The following ZNF451 variants were observed in gnomAD, a reference collection of about 807,000 sequenced individuals.
The protein encoded by ZNF451 is zinc finger protein 451.
In ZNF451, 80 loss-of-function variants were observed where a neutral mutation model predicts 107.1. The ratio of observed to expected loss-of-function variants is 0.75; its 90% CI spans 0.62 to 0.90. ZNF451 has a LOEUF of 0.90. ZNF451 is among the 40% of genes least tolerant of loss of function. The pLI is 0.00. For missense variants in ZNF451, 1,107 were observed against 1,236.2 expected (o/e 0.90, Z 1.57); for synonymous variants, 362 against 406.5 (o/e 0.89, Z 1.32).
Position 57,147,926 on chromosome 6 carries a change from T to C in ZNF451, c.1841T>C (p.Met614Thr), listed in dbSNP as rs754222139. ...TGGCAATGCCGGATTTGTGAAGATA[T>C]GTTTGATTCCCAGGAATATGTAAAA... ...GKWQCRICEDMFDSQEYVKQH... is the reference protein window; with the variant it reads ...GKWQCRICEDTFDSQEYVKQH... Residue 614 changes from methionine to threonine, a missense_variant, in exon 10 of 15, where the codon ATG (methionine) becomes ACG (threonine). Transcript: ENST00000370706. The C allele has an allele frequency of 2.4e-5, 39 of 1,614,054 alleles. No individual in the cohort carries two copies. The highest frequency in any genetic ancestry group is 1.2e-4 in the Admixed American group (7 of 60,006).
intron 3 of ZNF451, among the ~76,000 whole-genome samples, chr6:57,117,408 T>C (rs1441927208): frequency 6.6e-6 from 1 of 151,964 alleles, no homozygotes; most frequent in Non-Finnish European, 1.5e-5. Context: ...TAGCTAAATA[T>C]AAGAAAAACA....
chr6:57,150,630 T>A, intron 10 of ZNF451, 89 bp from the exon 11 acceptor site: 1 of 1,348,780 alleles, frequency 7.4e-7, no homozygotes, highest in South Asian at 1.5e-5. Context: ...TATTTTTGCA[T>A]ATTAGGCTTC....
chr6:57,147,123 A>G lies in ZNF451; in HGVS notation c.1038A>G (p.Val346=), dbSNP rs1364927055. 2.5e-6 allele frequency: 4 copies of G among 1,613,176 alleles called. No individual in the cohort carries two copies. Among genetic ancestry groups the G allele is most frequent in the Non-Finnish European group, 3.4e-6 (4 of 1,179,414 alleles). ...GTCGAAATGCTGGACCTGTAGCTGT[A>G]GCTGAGAAGAGCATTACCCAGGTTG... ...VHCRNAGPVA[V]AEKSITQVAE... The change falls in exon 10 of 15, where the codon GTA becomes GTG. Residue 346 remains valine, a synonymous_variant. Coordinates refer to ENST00000370706, the MANE Select transcript of ZNF451 (RefSeq NM_001031623.3).
Position 57,128,718 on chromosome 6 carries a change from A to G in ZNF451, c.313-11A>G, listed in dbSNP as rs770988050. On this transcript the variant is annotated splice_polypyrimidine_tract_variant and intron_variant, in intron 4 of 14. Coordinates refer to ENST00000370706, the MANE Select transcript of ZNF451 (RefSeq NM_001031623.3). ...AGTAATCTTAATTGAGTTTTTTCTT[A>G]ATGTCTTCAGGAAAAAATTGATTTT... 3.1e-6 allele frequency: 5 copies of G among 1,588,706 alleles called. No individual in the cohort carries two copies. Among genetic ancestry groups the G allele is most frequent in the Non-Finnish European group, 4.3e-6 (5 of 1,163,004 alleles).
rs1832122752 is a variant in ZNF451 at position 57,147,437 on chromosome 6, T to A, written c.1352T>A (p.Leu451Ter). The A allele has an allele frequency of 6.2e-7, 1 of 1,614,004 alleles. No homozygotes were observed. Reference sequence around the variant, plus strand: ...GCCATTCCAAAAAAGAAGATGAATTTAAAAGATAAAAGCCATGAAGGTGTT... The same window carrying A: ...GCCATTCCAAAAAAGAAGATGAATTAAAAAGATAAAAGCCATGAAGGTGTT... ...CIAIPKKKMN[L>*]KDKSHEGVAC... The change falls in exon 10 of 15, where the codon TTA becomes TAA. Residue 451 changes from leucine to a stop codon, truncating the protein, a stop_gained. Coordinates refer to ENST00000370706, the MANE Select transcript of ZNF451 (RefSeq NM_001031623.3). LOFTEE classifies it high-confidence loss of function.
intron 7 of ZNF451, among the ~76,000 whole-genome samples, chr6:57,139,397 T>C (rs1369832886): frequency 2.6e-5 from 4 of 152,180 alleles, no homozygotes; most frequent in Non-Finnish European, 4.4e-5. Context: ...TTATGAGGAT[T>C]AAGTAGGTAA....
intron 7 of ZNF451, among the ~76,000 whole-genome samples, chr6:57,139,239 T>G (rs1038330616): frequency 1.3e-5 from 2 of 152,110 alleles, no homozygotes; most frequent in Non-Finnish European, 2.9e-5. Context: ...AGCATATAAT[T>G]CATAACCAAG....
chr6:57,104,693 G>A (rs1385654724), intron 3 of ZNF451: 2 of 985,066 alleles, frequency 2.0e-6, no homozygotes, highest in East Asian at 1.1e-4. Flanking sequence ...GCATTGTTGC[G>A]CAGCTCCTCC....
At chr6:57,120,834 G>A (rs1830604797) in intron 3 of ZNF451, among the ~76,000 whole-genome samples, 1 of 152,090 alleles carries the variant, frequency 6.6e-6, no homozygotes. Flanking sequence ...CCAGTCTGTG[G>A]CTTGTGTTCT....
At position 57,099,074 on chromosome 6, in the gene ZNF451, G is replaced by A. The variant is rs763630111; in HGVS notation, c.119G>A (p.Arg40Gln). The A allele has an allele frequency of 3.7e-6, 6 of 1,613,380 alleles. No homozygotes were observed. The highest frequency in any genetic ancestry group is 4.2e-6 in the Non-Finnish European group (5 of 1,179,580). ...DIQFVSEGPL[R>Q]PVLEYIDLVS... ...GATTGTTTATAGGAAGGACCATTAC[G>A]ACCTGTTCTTGAATACATTGATCTG... Residue 40 changes from arginine to glutamine, a missense_variant, in exon 3 of 15, where the codon CGA becomes CAA. By Grantham distance (43) the Arg-to-Gln change is conservative. Around this residue, in one of 5 missense-constraint regions of ZNF451, gnomAD observed 339 missense variants for 372.8 expected, o/e 0.91. Transcript: ENST00000370706.
rs1829497896 is a variant in ZNF451 at position 57,099,745 on chromosome 6, A to G, written c.186+604A>G. The G allele has an allele frequency of 1.1e-5, 5 of 446,360 alleles. No individual in the cohort carries two copies. In the South Asian group the frequency reaches 2.3e-4, roughly 20 times the overall value. 27.6% of individuals were successfully genotyped at this position (446,360 alleles called of 1,614,324 possible). A position where few individuals can be genotyped will look rare whatever the true frequency, so the allele number is the denominator to read the frequency against. ...AATTGAACTAGTTGAGCCCTTTGTA[A>G]CAGTCTTGCCTTTCATTTGTCCTTG... On this transcript the variant is annotated intron_variant, in intron 3 of 14. Transcript: ENST00000370706.
At chr6:57,163,290 A>G (rs1381457385) in intron 14 of ZNF451, among the ~76,000 whole-genome samples, 1 of 152,046 alleles carries the variant, frequency 6.6e-6, no homozygotes, top group Non-Finnish European at 1.5e-5. Flanking sequence ...TACCAGGCCA[A>G]GTGGATTTAA....
At chr6:57,147,028 C>A in intron 9 of ZNF451, 62 bp from the exon 10 acceptor site, 1 of 1,417,666 alleles carries the variant, frequency 7.1e-7, no homozygotes, top group Non-Finnish European at 9.5e-7. Flanking sequence ...CAATAAAATG[C>A]AGCAATGGTA....
rs767010001 is a variant in ZNF451 at position 57,152,305 on chromosome 6, G to A, written c.2837G>A (p.Arg946His). Residue 946 changes from arginine (R) to histidine (H), a missense_variant, in exon 12 of 15, where the codon CGC becomes CAC. Transcript: ENST00000370706. ...ATTGGATGCTTCTTCCTTCATCCTC[G>A]CTGTAGTAAAAGAAAAGATGCTGCT... ...NRIGCFFLHP[R>H]CSKRKDAADF... is the part of the protein sequence containing the mutation. 37 of 1,613,798 alleles carry A rather than the reference G, an allele frequency of 2.3e-5. No individual in the cohort carries two copies. The highest frequency in any genetic ancestry group is 5.0e-5 in the Admixed American group (3 of 59,986).
intron 1 of ZNF451, among the ~76,000 whole-genome samples, chr6:57,090,508 A>G (rs1283592888): frequency 3.3e-5 from 4 of 121,614 alleles, no homozygotes; most frequent in African/African-American, 6.3e-5. Context: ...CGGCTGGGCC[A>G]GTGGGAGCGA....
At chr6:57,100,798 G>C (rs1455007790) in intron 3 of ZNF451, 1 of 1,548,596 alleles carries the variant, frequency 6.5e-7, no homozygotes, top group East Asian at 2.4e-5. Flanking sequence ...AAATAATTCA[G>C]ATACTAAGAT....
Position 57,134,880 on chromosome 6 carries a change from T to C in ZNF451, c.702+10T>C, listed in dbSNP as rs1831358653. The C allele has an allele frequency of 2.5e-6, 4 of 1,595,438 alleles. No individual in the cohort carries two copies. Among genetic ancestry groups the C allele is most frequent in the Non-Finnish European group, 2.6e-6 (3 of 1,169,880 alleles). On this transcript the variant is annotated intron_variant, in intron 7 of 14. Transcript: ENST00000370706. ...TCACCTTTTTGATAAGGTAAGAGCA[T>C]GTCCTAAATTAAAAGTATTATTTTT...
At chr6:57,159,266 G>A (rs1657120441) in intron 13 of ZNF451, 1 of 985,350 alleles carries the variant, frequency 1.0e-6, no homozygotes, top group Non-Finnish European at 1.2e-6. Flanking sequence ...GACAAATCAA[G>A]GATTTGTCAT....
intron 10 of ZNF451, 24 bp from the exon 11 acceptor site, chr6:57,150,695 A>C: frequency 6.3e-7 from 1 of 1,578,802 alleles, no homozygotes; most frequent in South Asian, 1.2e-5. Flanking sequence ...TACTGAACTC[A>C]TGTTGATATT....
Sources: allele counts gnomAD v4.1 joint callset (sites outside exome capture counted in the v4.1 genomes callset), GRCh38; gene constraint gnomAD v4.1.1; regional missense constraint gnomAD v4.1.1; transcripts MANE v1.5; gene names NCBI Gene and HGNC (gene_info 2026-07-23, HGNC 2026-07-21).